TDP1: variants seen among roughly 807,000 people sequenced by gnomAD.
TDP1 encodes tyr-DNA phosphodiesterase 1.
A neutral mutation model predicts 81.5 loss-of-function variants in TDP1; 64 were observed. The ratio of observed to expected loss-of-function variants is 0.79; its 90% confidence interval spans 0.64 to 0.97. TDP1 has a LOEUF of 0.97. TDP1 is among the 50% of genes least tolerant of loss of function. TDP1 has a pLI of 0.00. For synonymous variants in TDP1, 256 were observed against 264.3 expected (o/e 0.97, Z 0.30); for missense variants, 723 against 743.8 (o/e 0.97, Z 0.33).
At chr14:89,992,931 A>ATTTT (rs1436249280) in intron 13 of TDP1, 8 of 984,696 alleles carry the variant, frequency 8.1e-6, no homozygotes, top group Non-Finnish European at 8.4e-6. Context: ...TTCAACATTC[A>ATTTT]TTTTTTTCAT....
intron 8 of TDP1, 155 bp downstream of exon 8, chr14:89,980,787 A>G: frequency 1.5e-6 from 1 of 685,630 alleles, no homozygotes; most frequent in Non-Finnish European, 2.5e-6. Flanking sequence ...AAGTTACTGT[A>G]TTCTTTTACT....
rs1895352690 is a variant in TDP1, at chr14:89,984,616, G to A, written c.985G>A (p.Ala329Thr). ...AGCTGATCTCATCAGTTACTTGATGGCTTATAATGCCCCTTCTCTCAAGGA... is the reference window on the plus strand; with the variant it reads ...AGCTGATCTCATCAGTTACTTGATGACTTATAATGCCCCTTCTCTCAAGGA... ...FKADLISYLMAYNAPSLKEWI... is the reference protein window; with the variant it reads ...FKADLISYLMTYNAPSLKEWI... The change falls in exon 9 of 17, where the codon GCT (alanine) becomes ACT (threonine). Residue 329 changes from alanine (A) to threonine (T), a missense_variant. Ala to Thr is a moderately conservative substitution (Grantham distance 58). Transcript: ENST00000335725. 16 of 1,614,026 alleles carry A rather than the reference G, an allele frequency of 9.9e-6. No individual in the cohort carries two copies. Among genetic ancestry groups the A allele is most frequent in the Non-Finnish European group, 1.4e-5 (16 of 1,179,980 alleles).
rs146951078 is a variant in TDP1, at chr14:90,015,559, CA to C, written c.1542-3756del. Among the ~76,000 whole-genome samples the C allele has an allele frequency of 3.4e-3, 522 of 152,302 alleles. 1 individual carries two copies. Among genetic ancestry groups the C allele is most frequent in the African/African-American group, 0.012 (502 of 41,576 alleles). On this transcript the variant is annotated intron_variant, in intron 14 of 16. Coordinates refer to ENST00000335725, the MANE Select transcript of TDP1 (RefSeq NM_018319.4). ...ATTCAGCTCAGACTGCTATACAGAG[CA>C]GCTTATAAATATATTTCATAGTTCT...
At chr14:89,993,015 C>A in intron 13 of TDP1, 1 of 907,692 alleles carries the variant, frequency 1.1e-6, no homozygotes, top group Non-Finnish European at 1.3e-6. Context: ...ACTCATAACA[C>A]ACCGTGGAAG....
chr14:89,987,116 C>T (rs914692860), intron 10 of TDP1: 1 of 152,230 alleles, frequency 6.6e-6, no homozygotes, highest in Non-Finnish European at 1.5e-5. Flanking sequence ...TAAACTATGA[C>T]TGTTAAGCCT....
intron 7 of TDP1, chr14:89,980,008 T>G (rs1894795996): frequency 4.0e-6 from 1 of 249,634 alleles, no homozygotes; most frequent in Admixed American, 6.5e-5. Flanking sequence ...TTAAACTTCT[T>G]AAAATTTCAA....
chr14:90,004,332 G>A (rs991188371), intron 14 of TDP1, among the ~76,000 whole-genome samples: 1 of 152,276 alleles, frequency 6.6e-6, no homozygotes, highest in East Asian at 1.9e-4. Context: ...AGATGAGGAG[G>A]TGCTACCTGG....
At chr14:90,032,908 C>A in intron 15 of TDP1, 198 bp from the exon 16 acceptor site, 3 of 957,450 alleles carry the variant, frequency 3.1e-6, no homozygotes, top group Non-Finnish European at 3.7e-6. Context: ...AATTAAAGCT[C>A]TTATGTTTAG....
Position 90,022,676 on chromosome 14 carries a change from G to C in TDP1, c.1644+3258G>C, listed in dbSNP as rs1886218370. The C allele has an allele frequency of 8.3e-6, 7 of 847,594 alleles. No homozygotes were observed. The East Asian group carries it at 7.3e-4, about 89-fold the overall frequency. The allele number at this position is 847,594 out of a possible 1,614,324, so 52.5% of individuals were successfully genotyped here. On this transcript the variant is annotated intron_variant, in intron 15 of 16. Transcript: ENST00000335725. ...AGGGTTGTTGGGTTATTTTGATATA[G>C]GAGACTTTATCTTAAAGTGCTTATA...
chr14:90,025,944 A>C (rs1002045894), intron 15 of TDP1, among the ~76,000 whole-genome samples: 1 of 152,182 alleles, frequency 6.6e-6, no homozygotes, highest in East Asian at 1.9e-4. Context: ...ATAATATTGC[A>C]CATAAGCATC....
At chr14:89,998,455 T>A in intron 14 of TDP1, among the ~76,000 whole-genome samples, 1 of 142,062 alleles carries the variant, frequency 7.0e-6, no homozygotes, top group East Asian at 2.0e-4. Context: ...TGTATATGTA[T>A]ATATATGTAT....
rs1488590285 is a variant in TDP1 at position 89,963,667 on chromosome 14, A to C, written c.553A>C (p.Ile185Leu). 6.2e-7 allele frequency: 1 copy of C among 1,613,926 alleles called. No individual in the cohort carries two copies. Among genetic ancestry groups the C allele is most frequent in the Middle Eastern group, 1.7e-4 (1 of 6,046 alleles). ...AAAGTATAACTCTGGAGCCCTCCAC[A>C]TCAAGGGTAAGAGGATGCTGGGTGT... ...KPKYNSGALH[I>L]KDILSPLFGT... Residue 185 changes from isoleucine (I) to leucine (L), a missense_variant, in exon 3 of 17, where the codon ATC (isoleucine) becomes CTC (leucine). Physicochemically the swap from Ile to Leu is conservative, Grantham distance 5. Coordinates refer to ENST00000335725, the MANE Select transcript of TDP1 (RefSeq NM_018319.4).
intron 5 of TDP1, among the ~76,000 whole-genome samples, chr14:89,969,534 A>G (rs572358546): frequency 6.6e-6 from 1 of 151,716 alleles, no homozygotes; most frequent in South Asian, 2.1e-4. Context: ...TCTTTTTAAT[A>G]ACATGACTTG....
chr14:90,043,441 G>C lies in TDP1; in HGVS notation c.*298G>C. On this transcript the variant is annotated 3_prime_UTR_variant, in exon 17 of 17. Transcript: ENST00000335725. ...CTGTCTGAAATGCTTGGGACCAGAA[G>C]TGTTTCAGCTTTTGGATTTTTTTGA... 1 of 488,126 alleles carries C rather than the reference G, an allele frequency of 2.0e-6. No homozygotes were observed. Among genetic ancestry groups the C allele is most frequent in the South Asian group, 2.4e-5 (1 of 42,184 alleles). The allele number at this position is 488,126 out of a possible 1,614,324, so 30.2% of individuals were successfully genotyped here. A position where few individuals can be genotyped will look rare whatever the true frequency, so the allele number is the denominator to read the frequency against.
intron 3 of TDP1, chr14:89,965,767 T>G (rs1261153932): frequency 1.0e-6 from 1 of 985,100 alleles, no homozygotes; most frequent in Non-Finnish European, 1.2e-6. Flanking sequence ...TAGAAAGTTT[T>G]TCTAGTCTTG....
intron 2 of TDP1, among the ~76,000 whole-genome samples, chr14:89,960,220 C>T (rs530361792): frequency 6.6e-6 from 1 of 152,040 alleles, no homozygotes; most frequent in Non-Finnish European, 1.5e-5. Context: ...GCTTAAATAC[C>T]CCTATCCAGC....
At chr14:90,004,277 C>G (rs1297660235) in intron 14 of TDP1, among the ~76,000 whole-genome samples, 1 of 152,158 alleles carries the variant, frequency 6.6e-6, no homozygotes, top group Non-Finnish European at 1.5e-5. Flanking sequence ...CCTCTAGACC[C>G]TTTGTACACT....
intron 7 of TDP1, chr14:89,980,230 C>T (rs1421620268): frequency 1.0e-6 from 1 of 985,272 alleles, no homozygotes; most frequent in Non-Finnish European, 1.2e-6. Flanking sequence ...CCAACGGTCC[C>T]TAGTAGTAAC....
chr14:89,990,015 G>A (rs1896006048), intron 12 of TDP1, among the ~76,000 whole-genome samples: 1 of 152,136 alleles, frequency 6.6e-6, no homozygotes, highest in Non-Finnish European at 1.5e-5. Flanking sequence ...CAGCAGGTTG[G>A]TTGTCCAGAC....
Sources: allele counts gnomAD v4.1 joint callset (sites outside exome capture counted in the v4.1 genomes callset), GRCh38; gene constraint gnomAD v4.1.1; transcripts MANE v1.5; gene names NCBI Gene and HGNC (gene_info 2026-07-23, HGNC 2026-07-21).